SLC52A1: variants seen among roughly 807,000 people sequenced by gnomAD.
The protein encoded by SLC52A1 is solute carrier family 52, riboflavin transporter, member 1.
Under a neutral mutation model 23.2 loss-of-function variants are expected in SLC52A1, and 20 were observed. The ratio of observed to expected loss-of-function variants is 0.86; its 90% CI spans 0.61 to 1.25. SLC52A1 has a LOEUF of 1.25. SLC52A1 is among the 50% of genes most tolerant of loss of function. The pLI, the probability that SLC52A1 is intolerant of heterozygous loss-of-function variation, is 0.00. For missense variants in SLC52A1, 528 were observed against 557.0 expected, an observed-to-expected ratio of 0.95 and a Z score of 0.52; for synonymous variants, 260 against 256.6, an observed-to-expected ratio of 1.01 and a Z score of -0.13.
upstream of SLC52A1, among the ~76,000 whole-genome samples, chr17:5,035,653 C>T (rs1430038345): frequency 6.6e-6 from 1 of 152,176 alleles, no homozygotes; most frequent in African/African-American, 2.4e-5. Context: ...GCGGCCCAGC[C>T]CAGAGCCCAC....
upstream of SLC52A1, among the ~76,000 whole-genome samples, chr17:5,039,708 G>C (rs1010229311): frequency 6.6e-6 from 1 of 152,128 alleles, no homozygotes; most frequent in Admixed American, 6.6e-5. Flanking sequence ...CTGACCTCAG[G>C]TGATCCGCCC....
At chr17:5,035,711 G>C (rs1975439750), upstream of SLC52A1, among the ~76,000 whole-genome samples, 1 of 151,872 alleles carries the variant, frequency 6.6e-6, no homozygotes, top group Admixed American at 6.6e-5. Flanking sequence ...AATTAATTTT[G>C]AGACGGGGTC....
chr17:5,032,999 C>G lies in SLC52A1; in HGVS notation c.1305G>C (p.Val435=). Residue 435 remains valine, a synonymous_variant, in exon 5 of 5, where the codon GTG becomes GTC. Coordinates refer to ENST00000254853, the MANE Select transcript of SLC52A1 (RefSeq NM_017986.4). ...CTACACAGTCCTTTCTGCTTTGAAA[C>G]ACGTGGTAGATGCTGGTGGGAGGGA... ...AMFPPTSIYH[V]FQSRKDCVDP... The G allele has an allele frequency of 1.9e-6, 3 of 1,613,842 alleles. No individual in the cohort carries two copies. The highest frequency in any genetic ancestry group is 2.5e-6 in the Non-Finnish European group (3 of 1,180,040).
chr17:5,036,556 C>T (rs924552534), upstream of SLC52A1, among the ~76,000 whole-genome samples: 6 of 151,754 alleles, frequency 4.0e-5, no homozygotes, highest in Non-Finnish European at 4.4e-5. Context: ...GGATTACAGA[C>T]GCCTGCCACC....
upstream of SLC52A1, among the ~76,000 whole-genome samples, chr17:5,037,913 C>T (rs56001333): frequency 3.5e-4 from 15 of 43,450 alleles, 1 homozygote; most frequent in African/African-American, 1.6e-3. Context: ...TTTCTTCCTT[C>T]CTTTTTTTTT....
intron 1 of SLC52A1, among the ~76,000 whole-genome samples, chr17:5,041,046 C>T (rs1321725028): frequency 3.3e-5 from 5 of 151,976 alleles, no homozygotes; most frequent in Admixed American, 1.3e-4. Context: ...CCACCCGCCT[C>T]GGCCTCCCAA....
chr17:5,041,549 C>T (rs1975545738), intron 1 of SLC52A1, among the ~76,000 whole-genome samples: 2 of 152,132 alleles, frequency 1.3e-5, no homozygotes, highest in African/African-American at 4.8e-5. Context: ...GCGATCTTGG[C>T]TCACTGCAAC....
At position 5,033,043 on chromosome 17, in the gene SLC52A1, G is replaced by A. The variant is rs1597874610; in HGVS notation, c.1261C>T (p.Leu421Phe). 1 of 1,613,656 alleles carries A rather than the reference G, an allele frequency of 6.2e-7. No homozygotes were observed. Among genetic ancestry groups the A allele is most frequent in the Non-Finnish European group, 8.5e-7 (1 of 1,179,984 alleles). The change falls in exon 5 of 5, where the codon CTT (leucine) becomes TTT (phenylalanine). Residue 421 changes from leucine to phenylalanine, a missense_variant. Transcript: ENST00000254853. ...AGVAIQVGSL[L>F]GAGAMFPPTS... The stretch of plus-strand genomic sequence containing the variant: ...GGAGGGAACATGGCACCGGCACCAA[G>A]CAGGGAGCCCACTTGGATGGCCACA...
rs770935232 is a variant in SLC52A1, at chr17:5,034,614, A to G, written c.-8T>C. On this transcript the variant is annotated 5_prime_UTR_variant, in exon 2 of 5. Coordinates refer to ENST00000254853, the MANE Select transcript of SLC52A1 (RefSeq NM_017986.4). ...CAGCGTGGGTGCTGCCATTCAGCCC[A>G]AAGCTGGACCCTCCAGGACAGGGCA... The G allele has an allele frequency of 1.9e-6, 3 of 1,613,958 alleles. No individual in the cohort carries two copies. In the South Asian group the frequency reaches 3.3e-5, roughly 18 times the overall value.
At chr17:5,037,035 G>C (rs1975475345), upstream of SLC52A1, among the ~76,000 whole-genome samples, 1 of 152,038 alleles carries the variant, frequency 6.6e-6, no homozygotes, top group African/African-American at 2.4e-5. Context: ...TGTAGTCCCA[G>C]CTACTCAGGC....
upstream of SLC52A1, among the ~76,000 whole-genome samples, chr17:5,038,032 C>G (rs994411626): frequency 6.6e-6 from 1 of 150,956 alleles, no homozygotes; most frequent in African/African-American, 2.4e-5. Flanking sequence ...CATTCTCCTG[C>G]CTCAGCCTCC....
intron 1 of SLC52A1, among the ~76,000 whole-genome samples, chr17:5,041,440 G>A (rs1975543957): frequency 6.6e-6 from 1 of 151,726 alleles, no homozygotes; most frequent in Admixed American, 6.6e-5. Context: ...ACACCACCAT[G>A]CCCAGCGAAT....
At chr17:5,039,861 C>A (rs1045899564), upstream of SLC52A1, among the ~76,000 whole-genome samples, 29 of 152,134 alleles carry the variant, frequency 1.9e-4, no homozygotes, top group African/African-American at 7.0e-4. Context: ...AGATGCTTCT[C>A]TTGGAATGAC....
chr17:5,040,635 C>G (rs1275990216), intron 1 of SLC52A1, among the ~76,000 whole-genome samples: 1 of 152,034 alleles, frequency 6.6e-6, no homozygotes, highest in Non-Finnish European at 1.5e-5. Context: ...CCAAGGGGAC[C>G]GAAGGTCTAA....
Position 5,032,842 on chromosome 17 carries a change from G to T in SLC52A1, c.*115C>A. 1.1e-6 allele frequency: 1 copy of T among 924,962 alleles called. No homozygotes were observed. The highest frequency in any genetic ancestry group is 1.6e-5 in the African/African-American group (1 of 61,170). The allele number at this position is 924,962 out of a possible 1,614,324, so 57.3% of individuals were successfully genotyped here. A position where few individuals can be genotyped will look rare whatever the true frequency, so the allele number is the denominator to read the frequency against. The stretch of plus-strand genomic sequence containing the variant: ...AACGTCTTCTGTGGAGTGTGCAGGT[G>T]TCCATGAGCGTTCCTGTGTTGGGGG... On this transcript the variant is annotated 3_prime_UTR_variant, in exon 5 of 5. Coordinates refer to ENST00000254853, the MANE Select transcript of SLC52A1 (RefSeq NM_017986.4).
upstream of SLC52A1, among the ~76,000 whole-genome samples, chr17:5,038,698 T>C (rs573505369): frequency 2.1e-3 from 322 of 152,078 alleles, no homozygotes; most frequent in African/African-American, 7.5e-3. Context: ...ACCATTCTCC[T>C]GCCTCAGCCT....
At position 5,034,367 on chromosome 17, in the gene SLC52A1, A is replaced by G. The variant is rs781712037; in HGVS notation, c.131-9T>C. 1 of 1,583,688 alleles carries G rather than the reference A, an allele frequency of 6.3e-7. No homozygotes were observed. The highest frequency in any genetic ancestry group is 1.2e-5 in the South Asian group (1 of 86,394). ...TGAGGGGAGGCTCCAACCTGCAGGG[A>G]AGGAATGATGCCATGTCAGGAGCAC... is the stretch of plus-strand genomic sequence containing the variant. On this transcript the variant is annotated splice_polypyrimidine_tract_variant and intron_variant, in intron 2 of 4. Coordinates refer to ENST00000254853, the MANE Select transcript of SLC52A1 (RefSeq NM_017986.4).
upstream of SLC52A1, among the ~76,000 whole-genome samples, chr17:5,040,035 T>C (rs886150006): frequency 2.0e-5 from 3 of 152,072 alleles, no homozygotes; most frequent in Non-Finnish European, 2.9e-5. Context: ...CCTGGGGTGG[T>C]TGTGATGTGT....
upstream of SLC52A1, among the ~76,000 whole-genome samples, chr17:5,036,704 G>A (rs1445623374): frequency 6.6e-6 from 1 of 152,144 alleles, no homozygotes; most frequent in Non-Finnish European, 1.5e-5. Flanking sequence ...GAGCCACCAT[G>A]TCTGGCCCTT....
Sources: allele counts gnomAD v4.1 joint callset (sites outside exome capture counted in the v4.1 genomes callset), GRCh38; gene constraint gnomAD v4.1.1; transcripts MANE v1.5; gene names NCBI Gene and HGNC (gene_info 2026-07-23, HGNC 2026-07-21).